Variants in COL14A1 observed in about 807,000 individuals in gnomAD.
The protein encoded by COL14A1 is collagen type XIV alpha 1 chain, also known as collagen alpha-1(XIV) chain.
In COL14A1, 136 loss-of-function variants were observed where a neutral mutation model predicts 230.3. The observed-to-expected ratio is 0.59, with a 90% CI of 0.51 to 0.68. COL14A1 has a LOEUF of 0.68. Among genes scored for constraint, COL14A1 ranks in the 30% least tolerant of loss-of-function variants. The pLI, the probability that COL14A1 is intolerant of heterozygous loss-of-function variation, is 0.00. For missense variants in COL14A1, 1,976 were observed against 2,215.8 expected (o/e 0.89, Z 2.17); for synonymous variants, 792 against 784.1 (o/e 1.01, Z -0.17).
chr8:120,331,637 C>T (rs1207089347), intron 40 of COL14A1, among the ~76,000 whole-genome samples: 1 of 152,136 alleles, frequency 6.6e-6, no homozygotes, highest in African/African-American at 2.4e-5. Context: ...GTAAATCTGT[C>T]CAGTAGTCAA....
At chr8:120,266,791 T>C (rs1298842552) in intron 24 of COL14A1, 36 bp from the exon 25 acceptor site, 2 of 1,564,844 alleles carry the variant, frequency 1.3e-6, no homozygotes, top group Non-Finnish European at 1.8e-6. Flanking sequence ...ACAGATGAGA[T>C]GGTGAACTGA....
chr8:120,287,969 G>A (rs1319646868), intron 33 of COL14A1, among the ~76,000 whole-genome samples: 1 of 150,986 alleles, frequency 6.6e-6, no homozygotes, highest in African/African-American at 2.4e-5. Context: ...GCACTTAAGT[G>A]CAACCAAAGA....
intron 11 of COL14A1, 117 bp downstream of exon 11, chr8:120,208,478 A>G: frequency 8.8e-7 from 1 of 1,136,148 alleles, no homozygotes; most frequent in East Asian, 2.4e-5. Flanking sequence ...AATTCAATCA[A>G]ATTCATAGAA....
chr8:120,255,492 G>A, intron 23 of COL14A1, 136 bp downstream of exon 23: 1 of 707,192 alleles, frequency 1.4e-6, no homozygotes, highest in Admixed American at 2.1e-5. Context: ...GGTCAGTCAT[G>A]CTGCATATGG....
intron 5 of COL14A1, among the ~76,000 whole-genome samples, chr8:120,193,272 C>T (rs919930427): frequency 2.3e-4 from 35 of 152,300 alleles, no homozygotes; most frequent in Non-Finnish European, 2.8e-4. Context: ...ACAGACAGGA[C>T]GCTCGGCTGC....
At chr8:120,338,408 G>T (rs1394182504) in intron 42 of COL14A1, among the ~76,000 whole-genome samples, 1 of 152,106 alleles carries the variant, frequency 6.6e-6, no homozygotes, top group East Asian at 1.9e-4. Context: ...CCACAATTTG[G>T]GTTCAGGTCC....
intron 42 of COL14A1, among the ~76,000 whole-genome samples, chr8:120,336,715 C>G (rs1391908784): frequency 3.9e-5 from 6 of 152,226 alleles, no homozygotes; most frequent in Non-Finnish European, 8.8e-5. Flanking sequence ...ACTTGGATTA[C>G]CATCCTCCCT....
At chr8:120,321,723 C>T (rs1001739609) in intron 40 of COL14A1, among the ~76,000 whole-genome samples, 2 of 152,020 alleles carry the variant, frequency 1.3e-5, no homozygotes, top group Admixed American at 6.6e-5. Context: ...TGCTTTGCAC[C>T]CTGGTTCTAA....
chr8:120,328,552 G>T (rs561891134), intron 40 of COL14A1, among the ~76,000 whole-genome samples: 1 of 152,098 alleles, frequency 6.6e-6, no homozygotes, highest in Non-Finnish European at 1.5e-5. Context: ...CTTTTGATTT[G>T]ATCACACTGA....
In COL14A1 at chr8:120,203,988, C is replaced by T. The variant is rs371607310; in HGVS notation, c.1039+118C>T. ...GGCTTTTTGAAGACCCCTTATTCCC[C>T]TAAGACCTGAGCCGTCAGAGTAGAA... On this transcript the variant is annotated intron_variant, in intron 9 of 47. Coordinates refer to ENST00000297848, the MANE Select transcript of COL14A1 (RefSeq NM_021110.4). 4.5e-3 allele frequency: 4,368 copies of T among 971,576 alleles called. 17 individuals carry two copies. The highest frequency in any genetic ancestry group is 8.5e-3 in the Middle Eastern group (26 of 3,058). 60.2% of individuals were successfully genotyped at this position (971,576 alleles called of 1,614,324 possible).
At chr8:120,197,642 A>G (rs1354816603) in intron 6 of COL14A1, among the ~76,000 whole-genome samples, 169 bp from the exon 7 acceptor site, 5 of 152,154 alleles carry the variant, frequency 3.3e-5, no homozygotes, top group African/African-American at 9.7e-5. Context: ...GTCTAACTTG[A>G]TTCCTTTAAT....
chr8:120,345,018 T>C (rs1435548325), intron 44 of COL14A1, among the ~76,000 whole-genome samples: 1 of 152,052 alleles, frequency 6.6e-6, no homozygotes, highest in Non-Finnish European at 1.5e-5. Context: ...GAAAAATAAC[T>C]TGGGGAGTAA....
rs532968647 is a variant in COL14A1 at position 120,134,451 on chromosome 8, C to T, written c.-38+9111C>T. 4.0e-5 allele frequency among the ~76,000 whole-genome samples: 6 copies of T among 151,884 alleles called. No individual in the cohort carries two copies. The South Asian group carries it at 1.3e-3, about 32-fold the overall frequency. ...ATAAAAGTTAAAACTTTTTCATTTA[C>T]ATCAAAATAAGTTTTAGATGATCAA... On this transcript the variant is annotated intron_variant, in intron 1 of 47. Coordinates refer to ENST00000297848, the MANE Select transcript of COL14A1 (RefSeq NM_021110.4).
rs753566175 is a variant in COL14A1, at chr8:120,369,315, G to A, written c.5156-15G>A. On this transcript the variant is annotated splice_polypyrimidine_tract_variant and intron_variant, in intron 46 of 47. Transcript: ENST00000297848. ...GGCAAAAGACCAACGGTTTTCATCT[G>A]TGGGTACTTCTTAGGACCTTCAGGG... 6.7e-7 allele frequency: 1 copy of A among 1,501,122 alleles called. No homozygotes were observed. Among genetic ancestry groups the A allele is most frequent in the Admixed American group, 2.3e-5 (1 of 43,958 alleles). The allele number at this position is 1,501,122 out of a possible 1,614,324, so 93.0% of individuals were successfully genotyped here.
chr8:120,199,330 G>T, intron 7 of COL14A1, 72 bp from the exon 8 acceptor site: 1 of 1,375,644 alleles, frequency 7.3e-7, no homozygotes, highest in South Asian at 1.6e-5. Flanking sequence ...CCATCTTGTG[G>T]TTATATCTTG....
Position 120,209,887 on chromosome 8 carries a change from G to C in COL14A1, c.1453G>C (p.Gly485Arg), listed in dbSNP as rs775692996. 16 of 1,604,038 alleles carry C rather than the reference G, an allele frequency of 1.0e-5. No homozygotes were observed. The Admixed American group carries it at 2.8e-4, about 28-fold the overall frequency. ...LYAPLTEGLA[G>R]DEKEMKIGET... The stretch of plus-strand genomic sequence containing the variant: ...TGCTCCTCTAACAGAGGGCCTGGCT[G>C]GGGATGAAAAAGAGGTAACCACTTC... The change falls in exon 12 of 48, where the codon GGG (glycine) becomes CGG (arginine). Residue 485 changes from glycine (G) to arginine (R), a missense_variant. Physicochemically the swap from Gly to Arg is moderately radical, Grantham distance 125 (BLOSUM62 -2). Coordinates refer to ENST00000297848, the MANE Select transcript of COL14A1 (RefSeq NM_021110.4).
At chr8:120,204,404 C>T (rs1045337593) in intron 9 of COL14A1, among the ~76,000 whole-genome samples, 7 of 152,144 alleles carry the variant, frequency 4.6e-5, no homozygotes, top group African/African-American at 9.7e-5. Flanking sequence ...AAAAATATTA[C>T]GTGAATGGAG....
At chr8:120,325,083 G>A (rs1364900483) in intron 40 of COL14A1, among the ~76,000 whole-genome samples, 1 of 152,124 alleles carries the variant, frequency 6.6e-6, no homozygotes, top group Non-Finnish European at 1.5e-5. Flanking sequence ...TTTCAGCCAT[G>A]GTTAAATTTA....
rs778032251 is a variant in COL14A1 at position 120,231,584 on chromosome 8, C to T, written c.2315C>T (p.Ala772Val). The part of the protein sequence containing the change: ...VQQFRVTYMT[A>V]QGDPEEEVIG... Reference sequence around the variant, plus strand: ...CAGTTTAGGGTGACCTACATGACAGCTCAAGGGGACCCTGAGGAAGAAGTC... The same window carrying T: ...CAGTTTAGGGTGACCTACATGACAGTTCAAGGGGACCCTGAGGAAGAAGTC... Residue 772 changes from alanine to valine, a missense_variant, in exon 19 of 48, where the codon GCT (alanine) becomes GTT (valine). Ala to Val is a moderately conservative substitution (Grantham distance 64). This residue lies in a region of COL14A1 where 1,791 missense variants were observed against 2,019.5 expected (regional missense o/e 0.89). Transcript: ENST00000297848. 1 of 1,613,934 alleles carries T rather than the reference C, an allele frequency of 6.2e-7. No individual in the cohort carries two copies. The highest frequency in any genetic ancestry group is 2.2e-5 in the East Asian group (1 of 44,856).
Sources: gnomAD v4.1 joint callset for allele counts (sites outside exome capture counted in the v4.1 genomes callset) on GRCh38, gnomAD v4.1.1 for gene constraint, gnomAD v4.1.1 regional missense constraint, MANE v1.5 for transcripts, NCBI Gene and HGNC (gene_info 2026-07-23, HGNC 2026-07-21) for gene names.